APTX: variants seen among roughly 807,000 people sequenced by gnomAD.
APTX encodes aprataxin, also known as forkhead-associated domain histidine triad-like protein.
Under a neutral mutation model 42.3 loss-of-function variants are expected in APTX, and 33 were observed. The ratio of observed to expected loss-of-function variants is 0.78; its 90% CI spans 0.59 to 1.04. The LOEUF (loss-of-function observed/expected upper bound fraction) is 1.04. Ranked by LOEUF, APTX falls within the 50% of genes least tolerant of loss-of-function variation. The probability of loss-of-function intolerance (pLI) is 0.00; values close to 1 mark genes in which losing one functional copy is unlikely to be tolerated. For synonymous variants in APTX, 130 were observed against 146.7 expected, an observed-to-expected ratio of 0.89 and a Z score of 0.82; for missense variants, 421 against 415.1, an observed-to-expected ratio of 1.01 and a Z score of -0.12.
rs915734534 is a variant in APTX at position 33,011,334 on chromosome 9, C to A, written c.-5+13689G>T. ...ATGGAGTCTTGCTCTGTCACCCAGG[C>A]TAGAGTGCAGTGGCACGATCTTGGC... On this transcript the variant is annotated intron_variant, in intron 1 of 6. Coordinates refer to the APTX transcript ENST00000436040. Among the ~76,000 whole-genome samples the A allele has an allele frequency of 3.3e-5, 5 of 151,320 alleles. No individual in the cohort carries two copies. The East Asian group carries it at 9.9e-4, about 30-fold the overall frequency.
At chr9:33,019,650 T>C (rs1226769814) in intron 1 of APTX, 2 of 408,176 alleles carry the variant, frequency 4.9e-6, no homozygotes, top group Admixed American at 9.0e-5. Context: ...ATGGATGCAC[T>C]GCCTAGGAGG....
Position 33,001,626 on chromosome 9 carries a change from G to A in APTX, c.-64C>T, listed in dbSNP as rs1396954991. On this transcript the variant is annotated 5_prime_UTR_variant, in exon 1 of 8. Coordinates refer to ENST00000379817, the MANE Select transcript of APTX (RefSeq NM_001195248.2). ...TCATCTGTGCCTCACCGCTTCCGGCGCTGCGGGATGACGTCAGAGGCCGGC... is the reference window on the plus strand; with the variant it reads ...TCATCTGTGCCTCACCGCTTCCGGCACTGCGGGATGACGTCAGAGGCCGGC... 6.2e-7 allele frequency: 1 copy of A among 1,613,572 alleles called. No homozygotes were observed. Among genetic ancestry groups the A allele is most frequent in the South Asian group, 1.1e-5 (1 of 91,010 alleles).
intron 1 of APTX, among the ~76,000 whole-genome samples, chr9:33,011,999 C>T (rs11792454): frequency 0.071 from 10,739 of 152,280 alleles, 513 homozygotes; most frequent in Non-Finnish European, 0.11. Context: ...TGAATGTCTA[C>T]ACATTTACAC....
At chr9:33,002,756 T>C (rs781604877), upstream of APTX, among the ~76,000 whole-genome samples, 13 of 152,240 alleles carry the variant, frequency 8.5e-5, no homozygotes, top group South Asian at 1.2e-3. Context: ...GCAAGTATCA[T>C]TGAATAATCT....
At chr9:33,022,024 C>A (rs1417689357) in intron 1 of APTX, among the ~76,000 whole-genome samples, 1 of 148,322 alleles carries the variant, frequency 6.7e-6, no homozygotes, top group African/African-American at 2.5e-5. Context: ...CCTGGGACAA[C>A]AGATTTATAT....
intron 1 of APTX, among the ~76,000 whole-genome samples, chr9:33,018,835 C>T (rs753183527): frequency 2.6e-5 from 4 of 152,266 alleles, no homozygotes; most frequent in African/African-American, 2.4e-5. Context: ...CCCAACATCA[C>T]GCCATTGCGC....
In APTX at chr9:32,983,254, A is replaced by C. The variant is rs78425463; in HGVS notation, c.770+1377T>G. Among the ~76,000 whole-genome samples the C allele has an allele frequency of 2.6e-5, 4 of 152,332 alleles. No homozygotes were observed. The South Asian group carries it at 6.2e-4, about 24-fold the overall frequency. ...ATCTCAAAATTATGCTGACCCAAAA[A>C]AGCCAGACCAAAAAAGAGTATGCAA... On this transcript the variant is annotated intron_variant, in intron 6 of 7. Transcript: ENST00000379817.
intron 6 of APTX, among the ~76,000 whole-genome samples, chr9:32,980,928 T>G (rs1379667130): frequency 2.0e-5 from 3 of 152,208 alleles, no homozygotes; most frequent in Non-Finnish European, 4.4e-5. Context: ...ATATTTCACG[T>G]TCTCCCAATA....
rs750641665 is a variant in APTX, at chr9:32,989,647, G to A, written c.133+112C>T. 33 of 1,530,662 alleles carry A rather than the reference G, an allele frequency of 2.2e-5. 1 individual carries two copies. Among genetic ancestry groups the A allele is most frequent in the Middle Eastern group, 3.4e-4 (2 of 5,938 alleles). The allele number at this position is 1,530,662 out of a possible 1,614,324, so 94.8% of individuals were successfully genotyped here. A position where few individuals can be genotyped will look rare whatever the true frequency, so the allele number is the denominator to read the frequency against. ...GCTAAAAGAGCTCAGTTCCTGAGCT[G>A]TATTTTTGGCAGACAATAGATTTTC... is the stretch of plus-strand genomic sequence containing the variant. On this transcript the variant is annotated intron_variant, in intron 2 of 7. Coordinates refer to ENST00000379817, the MANE Select transcript of APTX (RefSeq NM_001195248.2).
rs567180209 is a variant in APTX at position 33,020,382 on chromosome 9, T to C, written c.-5+4641A>G. ...TCATCATGACTCTACCTGAAGACTT[T>C]ACATGTTTTTATATTTGTGTTTATT... On this transcript the variant is annotated intron_variant, in intron 1 of 6. Transcript: ENST00000436040. Among the ~76,000 whole-genome samples, 8 of 152,346 alleles carry C rather than the reference T, an allele frequency of 5.3e-5. No homozygotes were observed. In the South Asian group the frequency reaches 6.2e-4, roughly 12 times the overall value.
At chr9:33,023,255 G>C (rs1482613616) in intron 1 of APTX, among the ~76,000 whole-genome samples, 2 of 150,948 alleles carry the variant, frequency 1.3e-5, no homozygotes, top group Non-Finnish European at 2.9e-5. Flanking sequence ...ACAGAGTCTT[G>C]CTCTGTCAAC....
At chr9:32,976,582 A>C (rs1829476610) in intron 6 of APTX, among the ~76,000 whole-genome samples, 1 of 152,194 alleles carries the variant, frequency 6.6e-6, no homozygotes, top group Admixed American at 6.5e-5. Context: ...TAGGTTTCCA[A>C]ATCAAAATCA....
intron 4 of APTX, among the ~76,000 whole-genome samples, chr9:32,986,584 C>A (rs370239034): frequency 7.3e-5 from 11 of 151,680 alleles, no homozygotes; most frequent in East Asian, 5.8e-4. Context: ...CTCACTGCAA[C>A]CTCTGCCTCC....
At chr9:32,974,325 G>A (rs1343096800) in intron 7 of APTX, 133 bp downstream of exon 7, 2 of 672,276 alleles carry the variant, frequency 3.0e-6, no homozygotes, top group Non-Finnish European at 5.3e-6. Flanking sequence ...TTTTCACAGG[G>A]CTCGCTTTAT....
intron 1 of APTX, among the ~76,000 whole-genome samples, chr9:32,995,701 C>A (rs1480723692): frequency 2.0e-5 from 3 of 152,064 alleles, no homozygotes; most frequent in Non-Finnish European, 4.4e-5. Flanking sequence ...TCCTGGCTAA[C>A]ACGGTGAAAC....
intron 1 of APTX, among the ~76,000 whole-genome samples, chr9:32,996,528 C>G (rs1834983702): frequency 6.6e-5 from 10 of 152,164 alleles, no homozygotes; most frequent in Admixed American, 6.5e-4. Context: ...CTGTCTTGAC[C>G]TCCCAAAGTG....
chr9:32,988,415 T>C (rs577830048), intron 2 of APTX, among the ~76,000 whole-genome samples: 3 of 152,144 alleles, frequency 2.0e-5, no homozygotes, highest in Non-Finnish European at 4.4e-5. Flanking sequence ...CAAGTTTCCC[T>C]ATTCCAGAAC....
intron 6 of APTX, among the ~76,000 whole-genome samples, chr9:32,977,538 G>A (rs1018767511): frequency 6.7e-5 from 10 of 149,642 alleles, no homozygotes; most frequent in Admixed American, 1.3e-4. Flanking sequence ...TATAAAAATG[G>A]GGGGGAAAAA....
intron 1 of APTX, among the ~76,000 whole-genome samples, chr9:32,996,338 C>T (rs965337233): frequency 4.7e-5 from 7 of 149,896 alleles, no homozygotes; most frequent in Non-Finnish European, 8.8e-5. Flanking sequence ...TGCAGGGCGT[C>T]ATCACAGCTC....
Sources: gnomAD v4.1 joint callset for allele counts (sites outside exome capture counted in the v4.1 genomes callset) on GRCh38, gnomAD v4.1.1 for gene constraint, MANE v1.5 for transcripts, NCBI Gene and HGNC (gene_info 2026-07-23, HGNC 2026-07-21) for gene names.